FBXL13: variants seen among roughly 807,000 people sequenced by gnomAD.
FBXL13 encodes F-box and leucine rich repeat protein 13.
Under a neutral mutation model 83.6 loss-of-function variants are expected in FBXL13, and 67 were observed. That is an observed-to-expected ratio of 0.80 (90% CI 0.66 to 0.98). FBXL13 has a LOEUF of 0.98. Among genes scored for constraint, FBXL13 ranks in the 50% least tolerant of loss-of-function variants. The probability of loss-of-function intolerance (pLI) is 0.00; values close to 1 mark genes in which losing one functional copy is unlikely to be tolerated. For missense variants in FBXL13, 822 were observed against 866.5 expected, an observed-to-expected ratio of 0.95 and a Z score of 0.64; for synonymous variants, 272 against 299.5, an observed-to-expected ratio of 0.91 and a Z score of 0.95.
intron 2 of FBXL13, among the ~76,000 whole-genome samples, chr7:103,042,681 C>T (rs1344177262): frequency 6.6e-6 from 1 of 152,202 alleles, no homozygotes; most frequent in Non-Finnish European, 1.5e-5. Flanking sequence ...CTACAACCAT[C>T]TGATCTTTGA....
At chr7:102,892,714 A>G (rs1811689246) in intron 11 of FBXL13, among the ~76,000 whole-genome samples, 2 of 152,352 alleles carry the variant, frequency 1.3e-5, no homozygotes, top group East Asian at 3.8e-4. Context: ...TAGTTTCACA[A>G]ATGATATTCT....
intron 8 of FBXL13, among the ~76,000 whole-genome samples, chr7:102,943,050 T>G (rs1032541047): frequency 6.6e-6 from 1 of 152,172 alleles, no homozygotes; most frequent in African/African-American, 2.4e-5. Context: ...CCAGCAAAAT[T>G]AAATACATAT....
chr7:103,043,021 G>A (rs1392368042), intron 2 of FBXL13, among the ~76,000 whole-genome samples: 6 of 152,190 alleles, frequency 3.9e-5, no homozygotes, highest in Admixed American at 3.9e-4. Flanking sequence ...ACTATCATCA[G>A]AGTGAACAGG....
intron 1 of FBXL13, among the ~76,000 whole-genome samples, chr7:103,058,199 C>T (rs1360979847): frequency 6.6e-6 from 1 of 152,192 alleles, no homozygotes; most frequent in Admixed American, 6.5e-5. Context: ...AAGCAGGAAG[C>T]TCAGTCCTTT....
At chr7:102,854,928 C>G in intron 16 of FBXL13, 68 bp from the exon 18 acceptor site, 1 of 848,342 alleles carries the variant, frequency 1.2e-6, no homozygotes, top group East Asian at 2.9e-5. Flanking sequence ...GTTCCAATAA[C>G]CATTTATACA....
chr7:102,965,274 C>T (rs1056700798), intron 7 of FBXL13, among the ~76,000 whole-genome samples: 5 of 152,174 alleles, frequency 3.3e-5, no homozygotes, highest in African/African-American at 1.2e-4. Flanking sequence ...TGAATCCCAT[C>T]CTAGCCATTT....
intron 6 of FBXL13, among the ~76,000 whole-genome samples, chr7:102,998,815 T>C (rs1483835594): frequency 1.3e-5 from 2 of 151,612 alleles, no homozygotes; most frequent in Non-Finnish European, 2.9e-5. Flanking sequence ...AATAAAATAA[T>C]AACAATAATA....
chr7:102,824,131 G>A (rs538985232), intron 18 of FBXL13, among the ~76,000 whole-genome samples: 4 of 152,312 alleles, frequency 2.6e-5, no homozygotes, highest in Admixed American at 2.6e-4. Flanking sequence ...ATGTGATGTT[G>A]TTGGGATTTA....
chr7:102,925,498 C>T (rs1584968794), intron 10 of FBXL13, among the ~76,000 whole-genome samples: 1 of 152,240 alleles, frequency 6.6e-6, no homozygotes. Context: ...TATTCACGTC[C>T]AATGTTGTCA....
chr7:102,997,919 T>C (rs1034339751), intron 6 of FBXL13, among the ~76,000 whole-genome samples: 1 of 152,206 alleles, frequency 6.6e-6, no homozygotes, highest in African/African-American at 2.4e-5. Context: ...TCCTTTCTTT[T>C]GGATTTATAC....
chr7:102,958,784 A>T (rs1824715288), intron 8 of FBXL13, among the ~76,000 whole-genome samples: 1 of 152,056 alleles, frequency 6.6e-6, no homozygotes, highest in Non-Finnish European at 1.5e-5. Flanking sequence ...TTGGTGGATC[A>T]GAAACAAACA....
intron 2 of FBXL13, among the ~76,000 whole-genome samples, chr7:103,036,229 C>T (rs144464644): frequency 0.011 from 1,674 of 152,222 alleles, 35 homozygotes; most frequent in African/African-American, 0.039. Flanking sequence ...CAAAACCAGT[C>T]TCTGGTACCA....
chr7:103,053,763 T>G (rs998592819), intron 2 of FBXL13, among the ~76,000 whole-genome samples: 10 of 152,194 alleles, frequency 6.6e-5, no homozygotes, highest in African/African-American at 2.4e-4. Context: ...AATTTGCAGA[T>G]ATCTGCACTC....
intron 10 of FBXL13, among the ~76,000 whole-genome samples, chr7:102,923,824 C>T (rs945890715): frequency 4.6e-5 from 7 of 151,362 alleles, no homozygotes; most frequent in African/African-American, 1.7e-4. Context: ...GATGCCATCT[C>T]AAAATAAATA....
At chr7:103,017,727 A>G (rs1420090079) in intron 6 of FBXL13, among the ~76,000 whole-genome samples, 1 of 152,230 alleles carries the variant, frequency 6.6e-6, no homozygotes, top group Non-Finnish European at 1.5e-5. Flanking sequence ...GGTATCAGTG[A>G]TTGAAGATCA....
At chr7:102,890,822 C>T (rs1317596652) in intron 11 of FBXL13, among the ~76,000 whole-genome samples, 2 of 152,194 alleles carry the variant, frequency 1.3e-5, no homozygotes, top group Admixed American at 1.3e-4. Context: ...TCTAAGGCAG[C>T]CAGAAATATC....
At chr7:103,023,254 C>T (rs1463793820) in intron 6 of FBXL13, among the ~76,000 whole-genome samples, 4 of 151,814 alleles carry the variant, frequency 2.6e-5, no homozygotes, top group South Asian at 2.1e-4. Context: ...CCAGCCTGAG[C>T]GACAGAATGA....
intron 10 of FBXL13, among the ~76,000 whole-genome samples, chr7:102,921,511 C>T (rs925109194): frequency 6.6e-6 from 1 of 151,570 alleles, no homozygotes; most frequent in African/African-American, 2.4e-5. Flanking sequence ...GAAACCCTGT[C>T]TCTACTAAAA....
At chr7:102,896,588 AT>A (rs1420486886) in intron 11 of FBXL13, among the ~76,000 whole-genome samples, 5 of 152,218 alleles carry the variant, frequency 3.3e-5, no homozygotes, top group Non-Finnish European at 5.9e-5. Flanking sequence ...AAAGTCTGAG[AT>A]CAAGGTGTTG....
Sources: gnomAD v4.1 joint callset for allele counts (sites outside exome capture counted in the v4.1 genomes callset) on GRCh38, gnomAD v4.1.1 for gene constraint, MANE v1.5 for transcripts, NCBI Gene and HGNC (gene_info 2026-07-23, HGNC 2026-07-21) for gene names.